The following LUC7L2 variants were observed in gnomAD, a reference collection of about 807,000 sequenced individuals.
The protein encoded by LUC7L2 is putative RNA-binding protein Luc7-like 2.
In LUC7L2, 25 loss-of-function variants were observed where a neutral mutation model predicts 52.8. The ratio of observed to expected loss-of-function variants is 0.47; its 90% CI spans 0.34 to 0.66. The LOEUF (loss-of-function observed/expected upper bound fraction) is 0.66. LUC7L2 is among the 30% of genes least tolerant of loss of function. LUC7L2 has a pLI of 0.01. For synonymous variants in LUC7L2, 144 were observed against 160.9 expected (o/e 0.89, Z 0.80); for missense variants, 328 against 497.8 (o/e 0.66, Z 3.25).
intron 2 of LUC7L2, among the ~76,000 whole-genome samples, chr7:139,383,872 T>C (rs1794075711): frequency 6.6e-6 from 1 of 151,640 alleles, no homozygotes; most frequent in African/African-American, 2.4e-5. Context: ...TAGCTGGGAC[T>C]ACAGGTGCCC....
At chr7:139,374,571 A>C (rs1800613213) in intron 1 of LUC7L2, 1 of 1,545,488 alleles carries the variant, frequency 6.5e-7, no homozygotes. Flanking sequence ...TTATTATAGT[A>C]GCAGGCGTAA....
chr7:139,340,959 A>G (rs1379329201), intron 1 of LUC7L2, among the ~76,000 whole-genome samples: 1 of 152,126 alleles, frequency 6.6e-6, no homozygotes, highest in Admixed American at 6.5e-5. Flanking sequence ...GGGAGACGTC[A>G]ATACGTTGAA....
intron 1 of LUC7L2, among the ~76,000 whole-genome samples, chr7:139,367,607 A>G (rs926945602): frequency 9.9e-5 from 15 of 152,206 alleles, no homozygotes; most frequent in East Asian, 1.9e-4. Flanking sequence ...CTTTTGTGCA[A>G]ATCTCATACT....
chr7:139,389,974 G>A (rs1468943288), intron 2 of LUC7L2, among the ~76,000 whole-genome samples: 1 of 152,084 alleles, frequency 6.6e-6, no homozygotes, highest in East Asian at 1.9e-4. Context: ...TACCAGCCTG[G>A]ACAACATAGC....
chr7:139,380,450 A>T (rs1800951777), intron 2 of LUC7L2, among the ~76,000 whole-genome samples: 1 of 151,868 alleles, frequency 6.6e-6, no homozygotes, highest in South Asian at 2.1e-4. Flanking sequence ...ATACAAAAAA[A>T]GTAGCCGGGC....
intron 2 of LUC7L2, among the ~76,000 whole-genome samples, chr7:139,378,436 A>G (rs991621610): frequency 1.3e-5 from 2 of 152,054 alleles, no homozygotes; most frequent in African/African-American, 2.4e-5. Flanking sequence ...TTAGCCTGGC[A>G]TGGTGGTATT....
At chr7:139,349,624 C>G (rs538292062) in intron 1 of LUC7L2, among the ~76,000 whole-genome samples, 13 of 150,516 alleles carry the variant, frequency 8.6e-5, no homozygotes, top group East Asian at 7.9e-4. Flanking sequence ...TCCCCCCCCC[C>G]CCACCGGATT....
chr7:139,352,531 C>T (rs951868092), intron 1 of LUC7L2, among the ~76,000 whole-genome samples: 4 of 152,128 alleles, frequency 2.6e-5, no homozygotes, highest in African/African-American at 7.2e-5. Context: ...TTCTTTCAAG[C>T]AATATAGTTT....
intron 1 of LUC7L2, among the ~76,000 whole-genome samples, chr7:139,352,885 T>A (rs1799496856): frequency 1.3e-5 from 2 of 152,172 alleles, no homozygotes; most frequent in African/African-American, 4.8e-5. Context: ...TTCAAAAAAT[T>A]TGAATTTTAA....
intron 1 of LUC7L2, chr7:139,374,819 A>G: frequency 9.2e-7 from 1 of 1,089,044 alleles, no homozygotes; most frequent in Non-Finnish European, 1.1e-6. Context: ...AATTTAAGTT[A>G]AGCTCTTTAG....
chr7:139,414,468 C>T (rs892917845), intron 8 of LUC7L2, among the ~76,000 whole-genome samples: 5 of 152,228 alleles, frequency 3.3e-5, no homozygotes, highest in Admixed American at 1.3e-4. Flanking sequence ...GCTTGGAGGC[C>T]GCAGGTTGGA....
At chr7:139,356,434 G>A (rs1472714030), upstream of LUC7L2, among the ~76,000 whole-genome samples, 5 of 150,972 alleles carry the variant, frequency 3.3e-5, no homozygotes, top group East Asian at 3.9e-4. Flanking sequence ...AAATGGGAGC[G>A]TTCCCCCAAC....
intron 1 of LUC7L2, among the ~76,000 whole-genome samples, chr7:139,354,485 C>T (rs150544277): frequency 0.02 from 3,110 of 152,234 alleles, 47 homozygotes; most frequent in Middle Eastern, 0.044. Context: ...CCTCAGCCTC[C>T]GGAGTAGCTG....
At position 139,402,162 on chromosome 7, in the gene LUC7L2, T is replaced by C; in HGVS notation, c.281T>C (p.Ile94Thr). ...LDAMDHLQSF[I>T]ADCDRRTEVA... The stretch of plus-strand genomic sequence containing the variant: ...GCCATGGATCATCTGCAGTCATTCA[T>C]TGCAGATTGTGATCGTAGAACAGAA... Residue 94 changes from isoleucine to threonine, a missense_variant, in exon 4 of 10, where the codon ATT becomes ACT. This residue lies in a region of LUC7L2 where 133 missense variants were observed against 274.4 expected (regional missense o/e 0.48). Transcript: ENST00000354926. The C allele has an allele frequency of 6.2e-7, 1 of 1,608,894 alleles. No individual in the cohort carries two copies. The highest frequency in any genetic ancestry group is 8.5e-7 in the Non-Finnish European group (1 of 1,178,362).
intron 8 of LUC7L2, among the ~76,000 whole-genome samples, chr7:139,415,218 CT>C (rs111851151): frequency 4.4e-4 from 64 of 144,458 alleles, no homozygotes; most frequent in South Asian, 1.1e-3. Flanking sequence ...AGCAATAGAT[CT>C]TTTTTTTTTT....
chr7:139,383,347 A>G (rs1336735362), intron 2 of LUC7L2, among the ~76,000 whole-genome samples: 1 of 151,612 alleles, frequency 6.6e-6, no homozygotes, highest in African/African-American at 2.4e-5. Context: ...TGAACTCCTG[A>G]CCTCAGGTGA....
intron 4 of LUC7L2, among the ~76,000 whole-genome samples, chr7:139,404,332 A>G (rs1020595675): frequency 6.6e-6 from 1 of 152,182 alleles, no homozygotes; most frequent in South Asian, 2.1e-4. Context: ...CACCATGGTG[A>G]AACCCTGTTT....
intron 7 of LUC7L2, among the ~76,000 whole-genome samples, chr7:139,411,233 A>G (rs73154173): frequency 0.02 from 3,052 of 152,342 alleles, 36 homozygotes; most frequent in South Asian, 0.051. Flanking sequence ...CAGTGATTAT[A>G]TAATGCAAAT....
intron 1 of LUC7L2, among the ~76,000 whole-genome samples, chr7:139,368,188 G>A (rs1246941175): frequency 2.6e-5 from 4 of 152,144 alleles, no homozygotes; most frequent in Non-Finnish European, 5.9e-5. Context: ...TGATACCCAG[G>A]TTGCAGAGTT....
Sources: allele counts gnomAD v4.1 joint callset (sites outside exome capture counted in the v4.1 genomes callset), GRCh38; gene constraint gnomAD v4.1.1; regional missense constraint gnomAD v4.1.1; transcripts MANE v1.5; gene names NCBI Gene and HGNC (gene_info 2026-07-23, HGNC 2026-07-21).